SCN9A: variants seen among roughly 807,000 people sequenced by gnomAD.
The protein encoded by SCN9A is sodium channel protein type 9 subunit alpha.
A neutral mutation model predicts 187.0 loss-of-function variants in SCN9A; 131 were observed. The observed-to-expected ratio is 0.70, with a 90% CI of 0.61 to 0.81. The LOEUF (loss-of-function observed/expected upper bound fraction) is 0.81. SCN9A is among the 30% of genes least tolerant of loss of function. The pLI is 0.00. For missense variants in SCN9A, 2,252 were observed against 2,396.6 expected (o/e 0.94, Z 1.26); for synonymous variants, 809 against 808.6 (o/e 1.00, Z -0.01).
chr2:166,235,433 C>T (rs1278474311), intron 20 of SCN9A, among the ~76,000 whole-genome samples: 1 of 152,080 alleles, frequency 6.6e-6, no homozygotes, highest in Non-Finnish European at 1.5e-5. Flanking sequence ...AGAAATCAGA[C>T]AAGTCCATTC....
At chr2:166,350,777 C>T (rs937289977) in intron 1 of SCN9A, among the ~76,000 whole-genome samples, 19 of 152,060 alleles carry the variant, frequency 1.2e-4, no homozygotes, top group Admixed American at 3.9e-4. Context: ...TTATTCAAAG[C>T]TCAAAAAGAA....
chr2:166,200,526 A>G (rs918400369), intron 26 of SCN9A, among the ~76,000 whole-genome samples: 1 of 152,184 alleles, frequency 6.6e-6, no homozygotes, highest in Non-Finnish European at 1.5e-5. Flanking sequence ...TGAAATGTCA[A>G]CAATAACTAT....
chr2:166,349,678 TAAC>T (rs1282921407), intron 1 of SCN9A, among the ~76,000 whole-genome samples: 1 of 152,094 alleles, frequency 6.6e-6, no homozygotes, highest in African/African-American at 2.4e-5. Flanking sequence ...GCCGTGTATA[TAAC>T]AATACCTCAG....
intron 17 of SCN9A, among the ~76,000 whole-genome samples, chr2:166,267,702 C>T (rs963544632): frequency 6.6e-6 from 1 of 151,766 alleles, no homozygotes; most frequent in Admixed American, 6.6e-5. Context: ...CTTTTCTTTG[C>T]TAGGAGAGAT....
chr2:166,354,856 A>C (rs1460009709), intron 1 of SCN9A, among the ~76,000 whole-genome samples: 3 of 152,206 alleles, frequency 2.0e-5, no homozygotes, highest in Non-Finnish European at 1.5e-5. Flanking sequence ...GTTGAATATA[A>C]ATATAGCAAA....
intron 11 of SCN9A, among the ~76,000 whole-genome samples, chr2:166,286,007 C>T (rs1184622211): frequency 6.6e-6 from 1 of 152,130 alleles, no homozygotes; most frequent in African/African-American, 2.4e-5. Flanking sequence ...TTACAAAACA[C>T]AGACTAAATA....
At chr2:166,367,015 C>T (rs1700433552) in intron 1 of SCN9A, among the ~76,000 whole-genome samples, 1 of 152,134 alleles carries the variant, frequency 6.6e-6, no homozygotes, top group Non-Finnish European at 1.5e-5. Context: ...ACAATAAGTA[C>T]TGTGATTTAG....
chr2:166,290,178 C>T (rs1191598635), intron 9 of SCN9A, among the ~76,000 whole-genome samples: 1 of 151,712 alleles, frequency 6.6e-6, no homozygotes, highest in African/African-American at 2.4e-5. Context: ...TTGGTTTTCT[C>T]TTCCTGTATT....
intron 1 of SCN9A, among the ~76,000 whole-genome samples, chr2:166,341,182 G>A (rs6712019): frequency 0.074 from 11,224 of 152,124 alleles, 1,263 homozygotes; most frequent in African/African-American, 0.24. Context: ...AGTGACATTT[G>A]TCAAGCAAAT....
chr2:166,342,965 T>C (rs1347955088), intron 1 of SCN9A, among the ~76,000 whole-genome samples: 2 of 152,192 alleles, frequency 1.3e-5, no homozygotes, highest in African/African-American at 2.4e-5. Flanking sequence ...AAAAACGTTT[T>C]TAGCACATAG....
At chr2:166,366,447 A>G (rs901992109) in intron 1 of SCN9A, among the ~76,000 whole-genome samples, 1 of 152,038 alleles carries the variant, frequency 6.6e-6, no homozygotes, top group African/African-American at 2.4e-5. Flanking sequence ...GGTTGTTTTC[A>G]TATTTTTGCT....
rs73969700 is a variant in SCN9A at position 166,324,578 on chromosome 2, T to C, written c.-50-12772A>G. Among the ~76,000 whole-genome samples, 743 of 152,194 alleles carry C rather than the reference T, an allele frequency of 4.9e-3. 7 individuals are homozygous for C. Among genetic ancestry groups the C allele is most frequent in the African/African-American group, 0.017 (695 of 41,544 alleles). ...CTCAAGGCACCATAGAATCAGAACA[T>C]GAGAACCTAAAAAGTTTATTTAAAT... On this transcript the variant is annotated intron_variant, in intron 1 of 26. Transcript: ENST00000642356.
At position 166,199,878 on chromosome 2, in the gene SCN9A, A is replaced by C; in HGVS notation, c.4775-14T>G. The C allele has an allele frequency of 6.2e-7, 1 of 1,600,406 alleles. No individual in the cohort carries two copies. Among genetic ancestry groups the C allele is most frequent in the Non-Finnish European group, 8.6e-7 (1 of 1,168,092 alleles). Reference sequence around the variant, plus strand: ...CTAGAAACATACCTGTATGTGGAGGAAAATAATAGAAATAAAATATTTAAA... The same window carrying C: ...CTAGAAACATACCTGTATGTGGAGGCAAATAATAGAAATAAAATATTTAAA... On this transcript the variant is annotated splice_polypyrimidine_tract_variant and intron_variant, in intron 26 of 26. Transcript: ENST00000642356.
chr2:166,316,766 A>G (rs1699120765), intron 1 of SCN9A, among the ~76,000 whole-genome samples: 1 of 152,198 alleles, frequency 6.6e-6, no homozygotes, highest in Non-Finnish European at 1.5e-5. Flanking sequence ...TAAACACGTG[A>G]ATTCGTTTAT....
intron 1 of SCN9A, among the ~76,000 whole-genome samples, chr2:166,342,031 A>T (rs1425698145): frequency 6.6e-6 from 1 of 152,104 alleles, no homozygotes; most frequent in African/African-American, 2.4e-5. Flanking sequence ...GTGTGGCATA[A>T]ATGTTTGTCA....
chr2:166,262,323 T>C (rs955382305), intron 17 of SCN9A, among the ~76,000 whole-genome samples: 1 of 152,048 alleles, frequency 6.6e-6, no homozygotes, highest in African/African-American at 2.4e-5. Context: ...GAAAGGGTTA[T>C]GTAGTCTTGA....
chr2:166,219,288 T>G (rs1694477395), intron 24 of SCN9A, among the ~76,000 whole-genome samples: 1 of 152,158 alleles, frequency 6.6e-6, no homozygotes, highest in Non-Finnish European at 1.5e-5. Flanking sequence ...TGGAGCACTA[T>G]TCACAATGGC....
At chr2:166,362,759 C>T (rs1001076844) in intron 1 of SCN9A, among the ~76,000 whole-genome samples, 195 of 151,876 alleles carry the variant, frequency 1.3e-3, no homozygotes, top group African/African-American at 4.5e-3. Context: ...AGGAATATAA[C>T]TTTGACCAGG....
At chr2:166,277,745 A>T in intron 15 of SCN9A, 1 of 219,576 alleles carries the variant, frequency 4.6e-6, no homozygotes, top group South Asian at 1.3e-4. Flanking sequence ...ATTTGTTTTT[A>T]TATTGTTAAG....
Sources: allele counts gnomAD v4.1 joint callset (sites outside exome capture counted in the v4.1 genomes callset), GRCh38; gene constraint gnomAD v4.1.1; transcripts MANE v1.5; gene names NCBI Gene and HGNC (gene_info 2026-07-23, HGNC 2026-07-21).